Variants in RBFOX1 observed in about 807,000 individuals in gnomAD.
RBFOX1 encodes RNA binding fox-1 homolog 1, also known as RNA binding protein fox-1 homolog 1.
A neutral mutation model predicts 57.7 loss-of-function variants in RBFOX1; 8 were observed. That is an observed-to-expected ratio of 0.14 (90% CI 0.08 to 0.25). RBFOX1 has a LOEUF of 0.25. Ranked by LOEUF, RBFOX1 falls within the 10% of genes least tolerant of loss-of-function variation. The probability of loss-of-function intolerance (pLI) is 1.00; values close to 1 mark genes in which losing one functional copy is unlikely to be tolerated. For synonymous variants in RBFOX1, 326 were observed against 222.4 expected (o/e 1.47, Z -4.15); for missense variants, 611 against 548.5 (o/e 1.11, Z -1.14).
chr16:7,596,875 C>CT (rs1191823533), intron 8 of RBFOX1, among the ~76,000 whole-genome samples: 7 of 152,184 alleles, frequency 4.6e-5, no homozygotes, highest in Non-Finnish European at 8.8e-5. Flanking sequence ...GTGTTGAATG[C>CT]TAGATGTTGC....
chr16:7,317,399 C>T (rs1238989502), intron 4 of RBFOX1, among the ~76,000 whole-genome samples: 2 of 152,092 alleles, frequency 1.3e-5, no homozygotes, highest in Non-Finnish European at 2.9e-5. Flanking sequence ...TCCCAGAGCT[C>T]AGAATTTTTC....
At chr16:5,346,552 A>G (rs1302201798) in intron 1 of RBFOX1, among the ~76,000 whole-genome samples, 1 of 152,170 alleles carries the variant, frequency 6.6e-6, no homozygotes, top group Non-Finnish European at 1.5e-5. Flanking sequence ...ATATCACCCT[A>G]CATCTGGGGC....
At chr16:5,495,534 A>G (rs2033145293) in intron 2 of RBFOX1, among the ~76,000 whole-genome samples, 2 of 152,358 alleles carry the variant, frequency 1.3e-5, no homozygotes, top group South Asian at 4.1e-4. Flanking sequence ...CATATCAACT[A>G]GCAAACAGGA....
At chr16:7,190,647 G>T (rs1038189715) in intron 4 of RBFOX1, among the ~76,000 whole-genome samples, 5 of 152,258 alleles carry the variant, frequency 3.3e-5, no homozygotes, top group African/African-American at 9.6e-5. Context: ...TCAGAAACCA[G>T]TACCACATGA....
At chr16:7,592,434 G>T (rs1041462361) in intron 7 of RBFOX1, among the ~76,000 whole-genome samples, 2 of 152,154 alleles carry the variant, frequency 1.3e-5, no homozygotes, top group South Asian at 2.1e-4. Context: ...CAAGGTTCTG[G>T]AGTATAATGT....
chr16:6,885,490 C>G lies in RBFOX1; in HGVS notation c.-15-166567C>G, dbSNP rs377008357. ...TTCCTGGAGACTTTCTTGACAAAGT[C>G]CAGGATGGTGCATTAAATCTACTTC... On this transcript the variant is annotated intron_variant, in intron 3 of 15. Coordinates refer to ENST00000550418, the MANE Select transcript of RBFOX1 (RefSeq NM_018723.4). 1.7e-3 allele frequency among the ~76,000 whole-genome samples: 261 copies of G among 152,182 alleles called. 1 individual carries two copies. The highest frequency in any genetic ancestry group is 5.7e-3 in the African/African-American group (238 of 41,540).
At chr16:6,715,679 T>C (rs904350353) in intron 3 of RBFOX1, among the ~76,000 whole-genome samples, 1 of 152,182 alleles carries the variant, frequency 6.6e-6, no homozygotes, top group Non-Finnish European at 1.5e-5. Flanking sequence ...TTCTTGAAGA[T>C]GAAGCAGCCC....
At chr16:5,389,173 A>C (rs1018430648) in intron 1 of RBFOX1, among the ~76,000 whole-genome samples, 2 of 148,992 alleles carry the variant, frequency 1.3e-5, no homozygotes, top group Admixed American at 1.3e-4. Context: ...CCTGGGCGAC[A>C]GAGCGAGACT....
intron 4 of RBFOX1, among the ~76,000 whole-genome samples, chr16:7,225,921 A>ATATATATATATATATAT (rs1567789355): frequency 8.2e-5 from 6 of 73,184 alleles, no homozygotes; most frequent in South Asian, 4.2e-4. Context: ...TATATATATA[A>ATATATATATATATATAT]ATGTGAATGT....
intron 5 of RBFOX1, among the ~76,000 whole-genome samples, chr16:7,536,652 G>A (rs1028088038): frequency 5.9e-5 from 9 of 152,170 alleles, no homozygotes; most frequent in Admixed American, 6.6e-5. Context: ...GTGGGTGGAT[G>A]TCCTGGGTAG....
intron 2 of RBFOX1, among the ~76,000 whole-genome samples, chr16:6,440,261 A>G (rs976090408): frequency 6.6e-6 from 1 of 152,144 alleles, no homozygotes; most frequent in African/African-American, 2.4e-5. Flanking sequence ...TTGATGAGTA[A>G]GCAGAGAAAG....
chr16:7,233,644 G>T (rs907765622), intron 4 of RBFOX1, among the ~76,000 whole-genome samples: 1 of 152,178 alleles, frequency 6.6e-6, no homozygotes, highest in African/African-American at 2.4e-5. Context: ...TGTTTCCCTG[G>T]ATGCTGCCCT....
At chr16:6,039,969 G>C (rs1302917929) in intron 1 of RBFOX1, among the ~76,000 whole-genome samples, 1 of 152,206 alleles carries the variant, frequency 6.6e-6, no homozygotes, top group African/African-American at 2.4e-5. Flanking sequence ...CCATGATAGA[G>C]AGGTGCTTAC....
Position 6,926,632 on chromosome 16 carries a change from G to A in RBFOX1, c.-15-125425G>A, listed in dbSNP as rs142434548. Reference sequence around the variant, plus strand: ...TGTCTCCTCCCTTTGTCTTGAAGGTGTAGAAGACACAGCTTTGCGGGCTGA... The same window carrying A: ...TGTCTCCTCCCTTTGTCTTGAAGGTATAGAAGACACAGCTTTGCGGGCTGA... On this transcript the variant is annotated intron_variant, in intron 3 of 15. Transcript: ENST00000550418. 3.3e-5 allele frequency among the ~76,000 whole-genome samples: 5 copies of A among 152,308 alleles called. No individual in the cohort carries two copies. The East Asian group carries it at 9.7e-4, about 29-fold the overall frequency.
intron 2 of RBFOX1, among the ~76,000 whole-genome samples, chr16:6,485,314 G>C (rs1371207654): frequency 2.0e-5 from 3 of 152,056 alleles, no homozygotes; most frequent in African/African-American, 7.2e-5. Context: ...TGAGGTAGGG[G>C]GACATGTAGA....
chr16:5,278,070 G>A (rs1021564562), intron 1 of RBFOX1, among the ~76,000 whole-genome samples: 1 of 152,102 alleles, frequency 6.6e-6, no homozygotes, highest in Non-Finnish European at 1.5e-5. Context: ...AGTTTTTTGA[G>A]AAATCTCTGT....
At chr16:6,630,746 G>A (rs986875141) in intron 2 of RBFOX1, among the ~76,000 whole-genome samples, 1 of 152,090 alleles carries the variant, frequency 6.6e-6, no homozygotes, top group Non-Finnish European at 1.5e-5. Context: ...AATTTATGAT[G>A]AAAATACCAT....
intron 4 of RBFOX1, among the ~76,000 whole-genome samples, chr16:5,870,789 C>T (rs938027364): frequency 2.6e-5 from 4 of 152,124 alleles, no homozygotes; most frequent in African/African-American, 9.7e-5. Context: ...ATATTCATGG[C>T]ATGTTCTGTT....
At chr16:6,762,427 C>T (rs1023702994) in intron 3 of RBFOX1, among the ~76,000 whole-genome samples, 6 of 151,850 alleles carry the variant, frequency 4.0e-5, no homozygotes, top group South Asian at 2.1e-4. Context: ...ATACCACCAC[C>T]GACAATGAAA....
Sources: gnomAD v4.1 joint callset for allele counts (sites outside exome capture counted in the v4.1 genomes callset) on GRCh38, gnomAD v4.1.1 for gene constraint, MANE v1.5 for transcripts, NCBI Gene and HGNC (gene_info 2026-07-23, HGNC 2026-07-21) for gene names.